The following PIK3C2G variants were observed in gnomAD, a reference collection of about 807,000 sequenced individuals.
PIK3C2G encodes phosphatidylinositol 3-kinase C2 domain-containing subunit gamma.
A neutral mutation model predicts 181.1 loss-of-function variants in PIK3C2G; 168 were observed. The observed-to-expected ratio is 0.93, with a 90% CI of 0.82 to 1.05. The LOEUF is 1.05. PIK3C2G is among the 50% of genes least tolerant of loss of function. The pLI is 0.00. For missense variants in PIK3C2G, 1,869 were observed against 1,732.8 expected (o/e 1.08, Z -1.40); for synonymous variants, 573 against 592.2 (o/e 0.97, Z 0.47).
chr12:18,649,656 T>C (rs1298197968), downstream of PIK3C2G, among the ~76,000 whole-genome samples: 1 of 152,114 alleles, frequency 6.6e-6, no homozygotes, highest in Non-Finnish European at 1.5e-5. Context: ...AGGTATTTGC[T>C]CCCACCATTT....
chr12:18,654,446 C>T, the PIK3C2G span, among the ~76,000 whole-genome samples: 1 of 152,062 alleles, frequency 6.6e-6, no homozygotes, highest in East Asian at 1.9e-4. Context: ...ATCACCTTTT[C>T]CTTCAAAACT....
intron 18 of PIK3C2G, among the ~76,000 whole-genome samples, chr12:18,441,035 C>G (rs1340055303): frequency 6.6e-6 from 1 of 151,950 alleles, no homozygotes; most frequent in Non-Finnish European, 1.5e-5. Context: ...TTTTAAAAAT[C>G]AAAGAGATAA....
At chr12:18,470,973 T>C (rs1030595316) in intron 18 of PIK3C2G, among the ~76,000 whole-genome samples, 2 of 152,318 alleles carry the variant, frequency 1.3e-5, no homozygotes, top group South Asian at 2.1e-4. Context: ...ATTAATTTTA[T>C]ATATCCAAAG....
chr12:18,643,230 G>C (rs1172030432), intron 32 of PIK3C2G, among the ~76,000 whole-genome samples: 1 of 151,954 alleles, frequency 6.6e-6, no homozygotes, highest in Non-Finnish European at 1.5e-5. Flanking sequence ...CAATACCTAG[G>C]TCCTCACACA....
intron 31 of PIK3C2G, among the ~76,000 whole-genome samples, chr12:18,618,941 A>G (rs1317501318): frequency 6.6e-6 from 1 of 152,092 alleles, no homozygotes; most frequent in African/African-American, 2.4e-5. Context: ...AGAACAGAAG[A>G]TTGGGAGTCT....
intron 24 of PIK3C2G, among the ~76,000 whole-genome samples, chr12:18,518,117 C>T (rs922805041): frequency 5.9e-5 from 9 of 152,164 alleles, no homozygotes; most frequent in Admixed American, 1.3e-4. Context: ...CTTTTTGATA[C>T]GCTGCTGGAT....
intron 22 of PIK3C2G, among the ~76,000 whole-genome samples, 181 bp downstream of exon 22, chr12:18,497,929 T>C (rs1305812148): frequency 6.6e-6 from 1 of 152,232 alleles, no homozygotes; most frequent in African/African-American, 2.4e-5. Flanking sequence ...ACAGAATTTA[T>C]ATAAAGCATA....
intron 18 of PIK3C2G, among the ~76,000 whole-genome samples, chr12:18,452,192 G>A (rs578228460): frequency 2.0e-5 from 3 of 152,210 alleles, no homozygotes; most frequent in South Asian, 2.1e-4. Context: ...CTGTCAATCT[G>A]TCTGGTCCTG....
intron 26 of PIK3C2G, among the ~76,000 whole-genome samples, chr12:18,549,875 A>C (rs1944632159): frequency 6.6e-6 from 1 of 151,748 alleles, no homozygotes; most frequent in African/African-American, 2.4e-5. Flanking sequence ...CCTGGAAGTC[A>C]CCTTCCTTCC....
intron 13 of PIK3C2G, among the ~76,000 whole-genome samples, chr12:18,373,646 G>A (rs1942228271): frequency 1.3e-5 from 2 of 152,068 alleles, no homozygotes; most frequent in South Asian, 2.1e-4. Flanking sequence ...TCAGGAGATC[G>A]AGACCATCCT....
intron 31 of PIK3C2G, among the ~76,000 whole-genome samples, chr12:18,627,423 G>T (rs754843871): frequency 3.2e-4 from 48 of 151,990 alleles, no homozygotes; most frequent in Non-Finnish European, 4.9e-4. Context: ...TTTTTGAGAT[G>T]CCATGATTCC....
intron 18 of PIK3C2G, among the ~76,000 whole-genome samples, chr12:18,443,099 G>A (rs1946837673): frequency 6.6e-6 from 1 of 152,108 alleles, no homozygotes; most frequent in Non-Finnish European, 1.5e-5. Flanking sequence ...TCGAACTCCT[G>A]ACCTCAGGTG....
upstream of PIK3C2G, among the ~76,000 whole-genome samples, chr12:18,257,018 C>A (rs1203686839): frequency 1.3e-5 from 2 of 152,042 alleles, no homozygotes; most frequent in Non-Finnish European, 2.9e-5. Context: ...TCTCTGGATT[C>A]AGGGAAACAG....
intron 31 of PIK3C2G, among the ~76,000 whole-genome samples, chr12:18,615,153 T>C (rs750001809): frequency 5.3e-5 from 8 of 152,022 alleles, no homozygotes; most frequent in Non-Finnish European, 1.2e-4. Flanking sequence ...TAAATTTCAT[T>C]ATATCATTAT....
chr12:18,449,338 G>C (rs565121674), intron 18 of PIK3C2G, among the ~76,000 whole-genome samples: 92 of 151,986 alleles, frequency 6.1e-4, no homozygotes, highest in Non-Finnish European at 1.1e-3. Context: ...TGAACATGCA[G>C]GTTTGTTACG....
rs4586225 is a variant in PIK3C2G at position 18,290,877 on chromosome 12, G to A, written c.784G>A (p.Ala262Thr). 2 of 1,604,236 alleles carry A rather than the reference G, an allele frequency of 1.2e-6. No individual in the cohort carries two copies. Among genetic ancestry groups the A allele is most frequent in the Non-Finnish European group, 1.7e-6 (2 of 1,171,748 alleles). Reference sequence around the variant, plus strand: ...CAGAATCAGAGAAAGATATCATGCAGCTGATGTTAATTTCAATTCTGGGAA... The same window carrying A: ...CAGAATCAGAGAAAGATATCATGCAACTGATGTTAATTTCAATTCTGGGAA... ...VKKIRERYHA[A>T]DVNFNSGKIW... Residue 262 changes from alanine to threonine, a missense_variant, in exon 4 of 33, where the codon GCT becomes ACT. Physicochemically the swap from Ala to Thr is moderately conservative, Grantham distance 58 (BLOSUM62 0). Coordinates refer to ENST00000538779, the MANE Select transcript of PIK3C2G (RefSeq NM_001288772.2).
intron 18 of PIK3C2G, among the ~76,000 whole-genome samples, chr12:18,478,813 A>C (rs201690907): frequency 6.6e-6 from 1 of 151,980 alleles, no homozygotes; most frequent in East Asian, 1.9e-4. Flanking sequence ...CACCTCTACA[A>C]AAAATTTAAA....
chr12:18,606,579 A>G (rs560744056), intron 30 of PIK3C2G, among the ~76,000 whole-genome samples: 2 of 152,252 alleles, frequency 1.3e-5, no homozygotes, highest in Admixed American at 6.5e-5. Flanking sequence ...TATTAACAAT[A>G]AAATTAATAT....
chr12:18,681,955 G>T, the PIK3C2G span, among the ~76,000 whole-genome samples: 2 of 151,924 alleles, frequency 1.3e-5, no homozygotes. Flanking sequence ...AGGGTAAAGC[G>T]TTGGGTCAAT....
Sources: gnomAD v4.1 joint callset for allele counts (sites outside exome capture counted in the v4.1 genomes callset) on GRCh38, gnomAD v4.1.1 for gene constraint, MANE v1.5 for transcripts, NCBI Gene and HGNC (gene_info 2026-07-23, HGNC 2026-07-21) for gene names.